Variants in TRIM3 observed in about 807,000 individuals in gnomAD.
The protein encoded by TRIM3 is tripartite motif containing 3.
In TRIM3, 13 loss-of-function variants were observed where a neutral mutation model predicts 66.6. The ratio of observed to expected loss-of-function variants is 0.20; its 90% CI spans 0.13 to 0.31. TRIM3 has a LOEUF of 0.31. Among genes scored for constraint, TRIM3 ranks in the 10% least tolerant of loss-of-function variants. The pLI is 1.00. For synonymous variants in TRIM3, 406 were observed against 411.7 expected (o/e 0.99, Z 0.17); for missense variants, 711 against 1,020.4 (o/e 0.70, Z 4.13).
chr11:6,451,160 G>C (rs570916487), intron 8 of TRIM3, 100 bp from the exon 9 acceptor site: 2 of 1,583,776 alleles, frequency 1.3e-6, no homozygotes, highest in Non-Finnish European at 1.7e-6. Flanking sequence ...GAAAGAACAG[G>C]GAGTAGGAGG....
rs561671977 is a variant in TRIM3 at position 6,457,703 on chromosome 11, G to A, written c.508C>T (p.Arg170Cys). 26 of 1,611,574 alleles carry A rather than the reference G, an allele frequency of 1.6e-5. No homozygotes were observed. The highest frequency in any genetic ancestry group is 2.2e-5 in the South Asian group (2 of 90,988). The part of the protein sequence containing the change: ...AALQRQLEAV[R>C]GRLPQLSAAI... ...ACCCTGCCCAGTGCCTACCGGCCAC[G>A]CACAGCCTCGAGCTGGCGCTGCAGG... The change falls in exon 4 of 12, where the codon CGT (arginine) becomes TGT (cysteine). Residue 170 changes from arginine (R) to cysteine (C), a missense_variant. Arg to Cys is a radical substitution (Grantham distance 180). Around this residue, in one of 3 missense-constraint regions of TRIM3, gnomAD observed 149 missense variants for 240.3 expected, o/e 0.62. Transcript: ENST00000345851. This position sits in a 1 kb window ranked among gnomAD's most constrained non-coding sequence, Gnocchi z 4.5.
In TRIM3 at chr11:6,456,324, T is replaced by A. The variant is rs866128376; in HGVS notation, c.1402A>T (p.Ile468Phe). 1 of 1,547,396 alleles carries A rather than the reference T, an allele frequency of 6.5e-7. No homozygotes were observed. The highest frequency in any genetic ancestry group is 1.2e-5 in the South Asian group (1 of 80,216). ...ACACGGAAGACGAGCTCATCCTCAA[T>A]TGGGTTGTCCTTTCGTTTGCCGCCT... ...STGGKRKDNP[I>F]EDELVFRVGS... Residue 468 changes from isoleucine to phenylalanine, a missense_variant, in exon 6 of 12, where the codon ATT becomes TTT. Around this residue, in one of 3 missense-constraint regions of TRIM3, gnomAD observed 399 missense variants for 458.1 expected, o/e 0.87. Coordinates refer to ENST00000345851, the MANE Select transcript of TRIM3 (RefSeq NM_033278.4). This position sits in a 1 kb window ranked among gnomAD's most constrained non-coding sequence, Gnocchi z 6.4.
chr11:6,454,261 T>A (rs188404021), intron 7 of TRIM3, among the ~76,000 whole-genome samples: 218 of 152,034 alleles, frequency 1.4e-3, no homozygotes, highest in South Asian at 6.7e-3. Context: ...TATAGTGGCA[T>A]GCGCCTGTAG....
intron 7 of TRIM3, among the ~76,000 whole-genome samples, chr11:6,454,472 G>A (rs1849883598): frequency 6.6e-6 from 1 of 152,034 alleles, no homozygotes; most frequent in Non-Finnish European, 1.5e-5. Context: ...CATGTGAGCA[G>A]TGAGCACACC....
chr11:6,469,384 C>T (rs1850594862), intron 1 of TRIM3, among the ~76,000 whole-genome samples: 1 of 152,192 alleles, frequency 6.6e-6, no homozygotes, highest in African/African-American at 2.4e-5. Flanking sequence ...AGGCCATACC[C>T]CTGCCTGAAT....
At position 6,450,052 on chromosome 11, in the gene TRIM3, C is replaced by G. The variant is rs1849656659; in HGVS notation, c.1941+499G>C. On this transcript the variant is annotated intron_variant, in intron 10 of 11. Transcript: ENST00000345851. The surrounding 1 kb of genome is among the most constrained non-coding windows in gnomAD (Gnocchi z 4.8). ...GCCTCACTCTCAGCTTTCACGGTCC[C>G]CTCCTCAAGCTGAGTCTGAACTACT... is the stretch of plus-strand genomic sequence containing the variant. 6.3e-6 allele frequency: 1 copy of G among 159,494 alleles called. No homozygotes were observed. Among genetic ancestry groups the G allele is most frequent in the Non-Finnish European group, 1.4e-5 (1 of 72,612 alleles). 9.9% of individuals were successfully genotyped at this position (159,494 alleles called of 1,614,324 possible).
At chr11:6,471,243 C>A (rs1006589433) in intron 1 of TRIM3, among the ~76,000 whole-genome samples, 4 of 152,196 alleles carry the variant, frequency 2.6e-5, no homozygotes, top group Non-Finnish European at 5.9e-5. Flanking sequence ...GTAACCAAGG[C>A]ATTGTTGAAA....
At chr11:6,473,957 CG>C (rs2134246667), upstream of TRIM3, 1 of 151,560 alleles carries the variant, frequency 6.6e-6, no homozygotes, top group South Asian at 2.1e-4. Flanking sequence ...AGGGAGGGGC[CG>C]GGGCGGGGCT....
At position 6,450,203 on chromosome 11, in the gene TRIM3, C is replaced by G. The variant is rs1178336539; in HGVS notation, c.1941+348G>C. 4.2e-6 allele frequency: 1 copy of G among 240,104 alleles called. No individual in the cohort carries two copies. The highest frequency in any genetic ancestry group is 2.3e-5 in the African/African-American group (1 of 44,376). 14.9% of individuals were successfully genotyped at this position (240,104 alleles called of 1,614,324 possible). A position where few individuals can be genotyped will look rare whatever the true frequency, so the allele number is the denominator to read the frequency against. ...AATTCCCACTTGTGCTTGAGGTCCTCCTCATATAGTCTTTCCTGAATCATA... is the reference window on the plus strand; with the variant it reads ...AATTCCCACTTGTGCTTGAGGTCCTGCTCATATAGTCTTTCCTGAATCATA... On this transcript the variant is annotated intron_variant, in intron 10 of 11. Transcript: ENST00000345851. This position sits in a 1 kb window ranked among gnomAD's most constrained non-coding sequence, Gnocchi z 4.8.
intron 1 of TRIM3, among the ~76,000 whole-genome samples, chr11:6,468,378 T>C (rs899155020): frequency 2.6e-5 from 4 of 152,230 alleles, no homozygotes; most frequent in African/African-American, 9.6e-5. Context: ...CTGGACTGGT[T>C]ATTGATTTGG....
intron 2 of TRIM3, among the ~76,000 whole-genome samples, chr11:6,460,861 TTTAA>T (rs1850198096): frequency 6.6e-6 from 1 of 151,868 alleles, no homozygotes; most frequent in African/African-American, 2.4e-5. Context: ...TATTAACTTA[TTTAA>T]TTGTGTTTTC....
In TRIM3 at chr11:6,448,711, T is replaced by G. The variant is rs1038328768; in HGVS notation, c.*317A>C. The stretch of plus-strand genomic sequence containing the variant: ...GAGACAACTAGAGGGACTCCTGTCC[T>G]GGGGTAGGCTGTTCTGGCCCCAGGC... On this transcript the variant is annotated 3_prime_UTR_variant, in exon 12 of 12. Transcript: ENST00000345851. 3.3e-6 allele frequency: 2 copies of G among 604,530 alleles called. No individual in the cohort carries two copies. Among genetic ancestry groups the G allele is most frequent in the Non-Finnish European group, 5.9e-6 (2 of 339,574 alleles). 37.4% of individuals were successfully genotyped at this position (604,530 alleles called of 1,614,324 possible).
rs139735764 is a variant in TRIM3 at position 6,465,616 on chromosome 11, T to C, written c.80A>G (p.Asp27Gly). The change falls in exon 2 of 12, where the codon GAT becomes GGT. Residue 27 changes from aspartate to glycine, a missense_variant. Coordinates refer to ENST00000345851, the MANE Select transcript of TRIM3 (RefSeq NM_033278.4). ...KQFLVCSICLDRYQCPKVLPC... is the reference protein window; with the variant it reads ...KQFLVCSICLGRYQCPKVLPC... Reference sequence around the variant, plus strand: ...AAGAACCTTGGGGCACTGGTACCGATCCAGGCAGATGCTGCATACCAGGAA... The same window carrying C: ...AAGAACCTTGGGGCACTGGTACCGACCCAGGCAGATGCTGCATACCAGGAA... 5.6e-6 allele frequency: 9 copies of C among 1,614,142 alleles called. No individual in the cohort carries two copies. The highest frequency in any genetic ancestry group is 7.6e-6 in the Non-Finnish European group (9 of 1,180,016).
rs752724316 is a variant in TRIM3 at position 6,456,786 on chromosome 11, C to A, written c.940G>T (p.Ala314Ser). The change falls in exon 6 of 12, where the codon GCA becomes TCA. Residue 314 changes from alanine to serine, a missense_variant. This residue lies in a region of TRIM3 where 399 missense variants were observed against 458.1 expected (regional missense o/e 0.87). Coordinates refer to ENST00000345851, the MANE Select transcript of TRIM3 (RefSeq NM_033278.4). The surrounding 1 kb of genome is among the most constrained non-coding windows in gnomAD (Gnocchi z 6.4). ...GLRRSVLNLG[A>S]LLTTSATAHE... ...GCAGTGGCGCTCGTGGTGAGCAGTG[C>A]GCCCAGATTGAGCACCGATCGCCGC... 1.2e-6 allele frequency: 2 copies of A among 1,612,380 alleles called. No homozygotes were observed. The highest frequency in any genetic ancestry group is 1.7e-6 in the Non-Finnish European group (2 of 1,179,962).
intron 2 of TRIM3, among the ~76,000 whole-genome samples, chr11:6,462,515 C>A (rs975091741): frequency 2.0e-5 from 3 of 152,092 alleles, no homozygotes; most frequent in African/African-American, 7.2e-5. Context: ...TCAAATGATC[C>A]TCCCACCTCA....
rs563535577 is a variant in TRIM3 at position 6,462,237 on chromosome 11, G to A, written c.131+3328C>T. On this transcript the variant is annotated intron_variant, in intron 2 of 11. Transcript: ENST00000345851. ...AACATTAATACAAGCTGCAGCTCTC[G>A]TTTTCTTGATTGCTTACTGTCAGTC... is the stretch of plus-strand genomic sequence containing the variant. Among the ~76,000 whole-genome samples, 45 of 44,456 alleles carry A rather than the reference G, an allele frequency of 1.0e-3. No homozygotes were observed. The East Asian group carries it at 0.011, about 11-fold the overall frequency. The allele number at this position is 44,456 out of a possible 152,430, so 29.2% of individuals were successfully genotyped here. A position where few individuals can be genotyped will look rare whatever the true frequency, so the allele number is the denominator to read the frequency against.
chr11:6,451,182 G>T, intron 8 of TRIM3, 89 bp downstream of exon 8: 1 of 1,584,600 alleles, frequency 6.3e-7, no homozygotes, highest in South Asian at 1.1e-5. Flanking sequence ...GGTAGGATTG[G>T]ATCAGTCCAG....
At position 6,450,741 on chromosome 11, in the gene TRIM3, C is replaced by T; in HGVS notation, c.1871-120G>A. 2.1e-6 allele frequency: 3 copies of T among 1,425,846 alleles called. No homozygotes were observed. Among genetic ancestry groups the T allele is most frequent in the East Asian group, 4.6e-5 (2 of 43,610 alleles). The allele number at this position is 1,425,846 out of a possible 1,614,324, so 88.3% of individuals were successfully genotyped here. ...AGGGGTGGGGTCTCCAGGACTGAGA[C>T]AAATTATTTCTGAGATGATAGGGCT... On this transcript the variant is annotated intron_variant, in intron 9 of 11. Coordinates refer to ENST00000345851, the MANE Select transcript of TRIM3 (RefSeq NM_033278.4). The surrounding 1 kb of genome is among the most constrained non-coding windows in gnomAD (Gnocchi z 4.8).
chr11:6,448,725 C>A lies in TRIM3; in HGVS notation c.*303G>T. ...GACTCCTGTCCTGGGGTAGGCTGTT[C>A]TGGCCCCAGGCTGGGGGATGGGGAG... is the stretch of plus-strand genomic sequence containing the variant. On this transcript the variant is annotated 3_prime_UTR_variant, in exon 12 of 12. Coordinates refer to ENST00000345851, the MANE Select transcript of TRIM3 (RefSeq NM_033278.4). The A allele has an allele frequency of 1.6e-6, 1 of 611,018 alleles. No homozygotes were observed. Among genetic ancestry groups the A allele is most frequent in the Admixed American group, 2.9e-5 (1 of 34,310 alleles). 37.8% of individuals were successfully genotyped at this position (611,018 alleles called of 1,614,324 possible).
Sources: allele counts gnomAD v4.1 joint callset (sites outside exome capture counted in the v4.1 genomes callset), GRCh38; gene constraint gnomAD v4.1.1; regional missense constraint gnomAD v4.1.1; non-coding constraint Gnocchi (gnomAD v3.1); transcripts MANE v1.5; gene names NCBI Gene and HGNC (gene_info 2026-07-23, HGNC 2026-07-21).